The following HES7 variants were observed in gnomAD, a reference collection of about 807,000 sequenced individuals.
HES7 encodes transcription factor HES-7.
HES7 carries 8 observed loss-of-function variants against 18.0 expected under a neutral mutation model. That is an observed-to-expected ratio of 0.45 (90% CI 0.26 to 0.80). HES7 has a LOEUF of 0.80. Among genes scored for constraint, HES7 ranks in the 30% least tolerant of loss-of-function variants. HES7 has a pLI of 0.18. For synonymous variants in HES7, 170 were observed against 158.6 expected, an observed-to-expected ratio of 1.07 and a Z score of -0.54; for missense variants, 356 against 340.9, an observed-to-expected ratio of 1.04 and a Z score of -0.35.
chr17:8,125,086 A>G (rs1403232138), upstream of HES7, among the ~76,000 whole-genome samples: 1 of 152,158 alleles, frequency 6.6e-6, no homozygotes, highest in Non-Finnish European at 1.5e-5. Flanking sequence ...ATCAACACCC[A>G]CCTCAAACCA....
At position 8,123,341 on chromosome 17, in the gene HES7, CCT is replaced by C. The variant is rs1981461018; in HGVS notation, c.43-217_43-216del. Reference sequence around the variant, plus strand: ...TCGCCTCCCCGGATCTTCGCATTCTCCTCTCTCAGTCTCGTCCTCCCTCCTCC... The same window carrying C: ...TCGCCTCCCCGGATCTTCGCATTCTCCTCTCAGTCTCGTCCTCCCTCCTCC... On this transcript the variant is annotated intron_variant, in intron 1 of 3. Transcript: ENST00000541682. This position sits in a 1 kb window ranked among gnomAD's most constrained non-coding sequence, Gnocchi z 5.9. 1.7e-6 allele frequency: 1 copy of C among 600,988 alleles called. No homozygotes were observed. The allele number at this position is 600,988 out of a possible 1,614,324, so 37.2% of individuals were successfully genotyped here.
In HES7 at chr17:8,123,650, C is replaced by T; in HGVS notation, c.42+393G>A. On this transcript the variant is annotated intron_variant, in intron 1 of 3. Transcript: ENST00000541682. This position sits in a 1 kb window ranked among gnomAD's most constrained non-coding sequence, Gnocchi z 5.9. ...AACCAACGCCCCGGGACCTTCTGTACAAGACCGCCTTGGGCCAGCCCCGCC... is the reference window on the plus strand; with the variant it reads ...AACCAACGCCCCGGGACCTTCTGTATAAGACCGCCTTGGGCCAGCCCCGCC... The T allele has an allele frequency of 2.5e-6, 1 of 395,366 alleles. No homozygotes were observed. Among genetic ancestry groups the T allele is most frequent in the Admixed American group, 4.1e-5 (1 of 24,376 alleles). 24.5% of individuals were successfully genotyped at this position (395,366 alleles called of 1,614,324 possible).
rs1400787643 is a variant in HES7, at chr17:8,121,575, G to A, written c.689C>T (p.Pro230Leu). The A allele has an allele frequency of 2.7e-5, 35 of 1,309,832 alleles. No homozygotes were observed. Among genetic ancestry groups the A allele is most frequent in the Non-Finnish European group, 3.3e-5 (34 of 1,036,552 alleles). 81.1% of individuals were successfully genotyped at this position (1,309,832 alleles called of 1,614,324 possible). ...PPPPAFWRPW[P>L] ...GCCCCCACCACCCCCCAAGGCTCAG[G>A]GCCAAGGTCTCCAGAAAGCGGGCGG... Residue 230 changes from proline to leucine, a missense_variant, in exon 4 of 4, where the codon CCC becomes CTC. Pro to Leu is a moderately conservative substitution (Grantham distance 98). Coordinates refer to ENST00000541682, the MANE Select transcript of HES7 (RefSeq NM_001165967.2).
In HES7 at chr17:8,121,779, G is replaced by T; in HGVS notation, c.485C>A (p.Ala162Glu). 1 of 1,542,274 alleles carries T rather than the reference G, an allele frequency of 6.5e-7. No individual in the cohort carries two copies. The highest frequency in any genetic ancestry group is 8.6e-7 in the Non-Finnish European group (1 of 1,156,684). The change falls in exon 4 of 4, where the codon GCG becomes GAG. Residue 162 changes from alanine (A) to glutamate (E), a missense_variant. Transcript: ENST00000541682. ...LDPAAPALGP[A>E]LHQRPPVHQG... ...GTGCACTGGGGGGCGCTGGTGCAGC[G>T]CAGGGCCAAGGGCCGGTGCGGCGGG... is the stretch of plus-strand genomic sequence containing the variant.
upstream of HES7, chr17:8,124,140 C>T: frequency 1.9e-6 from 3 of 1,611,266 alleles, no homozygotes; most frequent in South Asian, 1.1e-5. Context: ...CCTTATATTC[C>T]GCGGCCCAAG....
At position 8,122,504 on chromosome 17, in the gene HES7, G is replaced by T; in HGVS notation, c.139-74C>A. 9.5e-7 allele frequency: 1 copy of T among 1,056,296 alleles called. No homozygotes were observed. The highest frequency in any genetic ancestry group is 1.4e-6 in the Non-Finnish European group (1 of 700,496). The allele number at this position is 1,056,296 out of a possible 1,614,324, so 65.4% of individuals were successfully genotyped here. A position where few individuals can be genotyped will look rare whatever the true frequency, so the allele number is the denominator to read the frequency against. On this transcript the variant is annotated intron_variant, in intron 2 of 3. Transcript: ENST00000541682. This position sits in a 1 kb window ranked among gnomAD's most constrained non-coding sequence, Gnocchi z 6.9. ...GGGGGAAAGTGGCAGGGGGAAGAAGGGAGGGACGGATGCGGGAGCTGGTGG... is the reference window on the plus strand; with the variant it reads ...GGGGGAAAGTGGCAGGGGGAAGAAGTGAGGGACGGATGCGGGAGCTGGTGG...
At chr17:8,125,476 C>T (rs1023355915), upstream of HES7, among the ~76,000 whole-genome samples, 11 of 152,240 alleles carry the variant, frequency 7.2e-5, no homozygotes, top group African/African-American at 2.2e-4. Flanking sequence ...CCGCCCCCCT[C>T]CTTGGGAACC....
At position 8,122,907 on chromosome 17, in the gene HES7, G is replaced by T; in HGVS notation, c.138+124C>A. 1 of 755,774 alleles carries T rather than the reference G, an allele frequency of 1.3e-6. No homozygotes were observed. Among genetic ancestry groups the T allele is most frequent in the South Asian group, 1.5e-5 (1 of 67,664 alleles). 46.8% of individuals were successfully genotyped at this position (755,774 alleles called of 1,614,324 possible). A position where few individuals can be genotyped will look rare whatever the true frequency, so the allele number is the denominator to read the frequency against. On this transcript the variant is annotated intron_variant, in intron 2 of 3. Coordinates refer to ENST00000541682, the MANE Select transcript of HES7 (RefSeq NM_001165967.2). This position sits in a 1 kb window ranked among gnomAD's most constrained non-coding sequence, Gnocchi z 6.9. ...GGGTCTGGGATGGAATTCCAAAGGC[G>T]GGACTCGGGTGAGGATGCCTTGGGG... is the stretch of plus-strand genomic sequence containing the variant.
At position 8,121,091 on chromosome 17, in the gene HES7, T is replaced by C. The variant is rs1981293275; in HGVS notation, c.*480A>G. ...CTTCTCCCCCTACCCTATCTCTCTCTTTCCACCTGGTTTCAATTTCGATCT... is the reference window on the plus strand; with the variant it reads ...CTTCTCCCCCTACCCTATCTCTCTCCTTCCACCTGGTTTCAATTTCGATCT... On this transcript the variant is annotated 3_prime_UTR_variant, in exon 4 of 4. Transcript: ENST00000541682. The C allele has an allele frequency of 6.5e-6, 1 of 153,234 alleles. No homozygotes were observed. The allele number at this position is 153,234 out of a possible 1,614,324, so 9.5% of individuals were successfully genotyped here.
chr17:8,123,355 GTCCTCCC>G lies in HES7; in HGVS notation c.43-236_43-230del, dbSNP rs1981461683. The G allele has an allele frequency of 1.7e-6, 1 of 593,472 alleles. No individual in the cohort carries two copies. The highest frequency in any genetic ancestry group is 3.0e-6 in the Non-Finnish European group (1 of 331,386). 36.8% of individuals were successfully genotyped at this position (593,472 alleles called of 1,614,324 possible). On this transcript the variant is annotated intron_variant, in intron 1 of 3. Transcript: ENST00000541682. The surrounding 1 kb of genome is among the most constrained non-coding windows in gnomAD (Gnocchi z 5.9). ...CTTCGCATTCTCCTCTCTCAGTCTC[GTCCTCCC>G]TCCTCCCCTCTCTGTGTCTCTCCTC...
chr17:8,121,993 C>T lies in HES7; in HGVS notation c.271G>A (p.Glu91Lys). ...GACAAGTAGCAGCTGGCGAGCGCCT[C>T]GGCGTCCTGGACTGGGGACCGGGGA... The part of the protein sequence containing the change: ...GVPRSPVQDA[E>K]ALASCYLSGF... The change falls in exon 4 of 4, where the codon GAG becomes AAG. Residue 91 changes from glutamate to lysine, a missense_variant. By Grantham distance (56) the Glu-to-Lys change is moderately conservative (BLOSUM62 1). Transcript: ENST00000541682. 1 of 1,530,994 alleles carries T rather than the reference C, an allele frequency of 6.5e-7. No homozygotes were observed. The highest frequency in any genetic ancestry group is 1.2e-5 in the South Asian group (1 of 84,072). The allele number at this position is 1,530,994 out of a possible 1,614,324, so 94.8% of individuals were successfully genotyped here. A position where few individuals can be genotyped will look rare whatever the true frequency, so the allele number is the denominator to read the frequency against.
At position 8,123,898 on chromosome 17, in the gene HES7, C is replaced by G. The variant is rs968262715; in HGVS notation, c.42+145G>C. ...CCCCTTCTTCATATTTTGCAGCTTC[C>G]TCTCCAGCTTCTGGCTCCTGGAGTT... On this transcript the variant is annotated intron_variant, in intron 1 of 3. Coordinates refer to ENST00000541682, the MANE Select transcript of HES7 (RefSeq NM_001165967.2). The surrounding 1 kb of genome is among the most constrained non-coding windows in gnomAD (Gnocchi z 5.9). The G allele has an allele frequency of 1.1e-6, 1 of 903,188 alleles. No homozygotes were observed. Among genetic ancestry groups the G allele is most frequent in the Non-Finnish European group, 1.7e-6 (1 of 576,080 alleles). The allele number at this position is 903,188 out of a possible 1,614,324, so 55.9% of individuals were successfully genotyped here.
Position 8,123,539 on chromosome 17 carries a change from G to A in HES7, c.43-413C>T. ...AGAAAGGGAGATACCTAGCGCGACC[G>A]CGCCGCCTCTTTTCCCTCAAAACCC... On this transcript the variant is annotated intron_variant, in intron 1 of 3. Coordinates refer to ENST00000541682, the MANE Select transcript of HES7 (RefSeq NM_001165967.2). The surrounding 1 kb of genome is among the most constrained non-coding windows in gnomAD (Gnocchi z 5.9). 1 of 305,718 alleles carries A rather than the reference G, an allele frequency of 3.3e-6. No individual in the cohort carries two copies. Among genetic ancestry groups the A allele is most frequent in the Non-Finnish European group, 6.2e-6 (1 of 161,918 alleles). The allele number at this position is 305,718 out of a possible 1,614,324, so 18.9% of individuals were successfully genotyped here. A position where few individuals can be genotyped will look rare whatever the true frequency, so the allele number is the denominator to read the frequency against.
In HES7 at chr17:8,122,080, C is replaced by G. The variant is rs58755416; in HGVS notation, c.227-43G>C. 9.3e-4 allele frequency: 1,344 copies of G among 1,451,560 alleles called. 16 individuals carry two copies. In the African/African-American group the frequency reaches 0.018, roughly 19 times the overall value. The allele number at this position is 1,451,560 out of a possible 1,614,324, so 89.9% of individuals were successfully genotyped here. A position where few individuals can be genotyped will look rare whatever the true frequency, so the allele number is the denominator to read the frequency against. On this transcript the variant is annotated intron_variant, in intron 3 of 3. Coordinates refer to ENST00000541682, the MANE Select transcript of HES7 (RefSeq NM_001165967.2). This position sits in a 1 kb window ranked among gnomAD's most constrained non-coding sequence, Gnocchi z 6.9. ...AGCACAGGTGGGCAGGGCAGGGGCC[C>G]GGCAGGGGTGAGGGAAGGGGCGGGG... is the stretch of plus-strand genomic sequence containing the variant.
chr17:8,125,807 G>A (rs1317237141), upstream of HES7, among the ~76,000 whole-genome samples: 2 of 152,166 alleles, frequency 1.3e-5, no homozygotes, highest in East Asian at 1.9e-4. Flanking sequence ...TTCGATTCCC[G>A]GCCAATGCAC....
Position 8,121,854 on chromosome 17 carries a change from CG to C in HES7, c.409del (p.Arg137GlyfsTer5). 6.4e-7 allele frequency: 1 copy of C among 1,572,574 alleles called. No homozygotes were observed. Among genetic ancestry groups the C allele is most frequent in the Non-Finnish European group, 8.5e-7 (1 of 1,169,786 alleles). The part of the protein sequence containing the change: ...LHGYLRPKPP[R>X]PKPVDPRPPA... ...AGGCCTCGGATCTACCGGCTTGGGCCGGGGCGGTTTGGGGCGCAGATAGCCG... is the reference window on the plus strand; with the variant it reads ...AGGCCTCGGATCTACCGGCTTGGGCCGGGCGGTTTGGGGCGCAGATAGCCG... On this transcript the variant is annotated frameshift_variant, in exon 4 of 4. Coordinates refer to ENST00000541682, the MANE Select transcript of HES7 (RefSeq NM_001165967.2). LOFTEE classifies it high-confidence loss of function.
chr17:8,121,916 G>A lies in HES7; in HGVS notation c.348C>T (p.Ser116=), dbSNP rs766142714. The part of the protein sequence containing the change: ...LRLAAFAHDA[S]PAARAQLFSA... ...AGAAGAGCTGGGCGCGGGCGGCCGGGCTGGCGTCGTGCGCGAAGGCCGCCA... is the reference window on the plus strand; with the variant it reads ...AGAAGAGCTGGGCGCGGGCGGCCGGACTGGCGTCGTGCGCGAAGGCCGCCA... The change falls in exon 4 of 4, where the codon AGC becomes AGT. Residue 116 remains serine (S), a synonymous_variant. Coordinates refer to ENST00000541682, the MANE Select transcript of HES7 (RefSeq NM_001165967.2). 18 of 1,566,924 alleles carry A rather than the reference G, an allele frequency of 1.1e-5. No individual in the cohort carries two copies. Among genetic ancestry groups the A allele is most frequent in the South Asian group, 1.0e-4 (9 of 87,404 alleles).
rs1375062023 is a variant in HES7, at chr17:8,123,672, CG to C, written c.42+370del. 5.9e-5 allele frequency among the ~76,000 whole-genome samples: 9 copies of C among 152,264 alleles called. No homozygotes were observed. Among genetic ancestry groups the C allele is most frequent in the African/African-American group, 2.2e-4 (9 of 41,464 alleles). ...GTACAAGACCGCCTTGGGCCAGCCCCGCCCGGCTCACAGCCAGAGTGGAGCA... is the reference window on the plus strand; with the variant it reads ...GTACAAGACCGCCTTGGGCCAGCCCCCCCGGCTCACAGCCAGAGTGGAGCA... On this transcript the variant is annotated intron_variant, in intron 1 of 3. Coordinates refer to ENST00000541682, the MANE Select transcript of HES7 (RefSeq NM_001165967.2). This position sits in a 1 kb window ranked among gnomAD's most constrained non-coding sequence, Gnocchi z 5.9.
Position 8,123,357 on chromosome 17 carries a change from C to G in HES7, c.43-231G>C. The G allele has an allele frequency of 1.7e-6, 1 of 592,278 alleles. No individual in the cohort carries two copies. Among genetic ancestry groups the G allele is most frequent in the Non-Finnish European group, 3.0e-6 (1 of 330,588 alleles). 36.7% of individuals were successfully genotyped at this position (592,278 alleles called of 1,614,324 possible). ...TCGCATTCTCCTCTCTCAGTCTCGT[C>G]CTCCCTCCTCCCCTCTCTGTGTCTC... On this transcript the variant is annotated intron_variant, in intron 1 of 3. Coordinates refer to ENST00000541682, the MANE Select transcript of HES7 (RefSeq NM_001165967.2). The surrounding 1 kb of genome is among the most constrained non-coding windows in gnomAD (Gnocchi z 5.9).
Sources: gnomAD v4.1 joint callset for allele counts (sites outside exome capture counted in the v4.1 genomes callset) on GRCh38, gnomAD v4.1.1 for gene constraint, Gnocchi (gnomAD v3.1) non-coding constraint, MANE v1.5 for transcripts, NCBI Gene and HGNC (gene_info 2026-07-23, HGNC 2026-07-21) for gene names.